Variants in PDXDC1 observed in about 807,000 individuals in gnomAD.
The protein encoded by PDXDC1 is pyridoxal-dependent decarboxylase domain-containing protein 1.
Under a neutral mutation model 100.1 loss-of-function variants are expected in PDXDC1, and 42 were observed. The observed-to-expected ratio is 0.42, with a 90% CI of 0.33 to 0.54. PDXDC1 has a LOEUF of 0.54. Ranked by LOEUF, PDXDC1 falls within the 20% of genes least tolerant of loss-of-function variation. The pLI is 0.10. For synonymous variants in PDXDC1, 260 were observed against 371.7 expected (o/e 0.70, Z 3.46); for missense variants, 636 against 979.2 (o/e 0.65, Z 4.68).
the PDXDC1 span, among the ~76,000 whole-genome samples, chr16:15,149,576 G>A: frequency 6.6e-6 from 1 of 152,166 alleles, no homozygotes. Context: ...AGGGGCCCCG[G>A]GGTCTGCGCC....
chr16:14,985,220 G>A (rs1206303542), intron 1 of PDXDC1, among the ~76,000 whole-genome samples: 3 of 151,944 alleles, frequency 2.0e-5, no homozygotes, highest in African/African-American at 7.3e-5. Context: ...CCAAATCTTA[G>A]GCTCTAAAGA....
chr16:15,098,774 A>G (rs542729945), intron 16 of PDXDC1, among the ~76,000 whole-genome samples: 6 of 152,006 alleles, frequency 3.9e-5, no homozygotes, highest in Non-Finnish European at 7.4e-5. Flanking sequence ...GCTACTTGGG[A>G]GGCTGAGGCA....
At chr16:15,052,424 T>G (rs1371427831) in intron 16 of PDXDC1, among the ~76,000 whole-genome samples, 1 of 152,206 alleles carries the variant, frequency 6.6e-6, no homozygotes, top group East Asian at 1.9e-4. Context: ...CACCTAGCTG[T>G]GACCTGGGGG....
chr16:15,098,363 G>A (rs1221066316), intron 16 of PDXDC1, among the ~76,000 whole-genome samples: 1 of 151,204 alleles, frequency 6.6e-6, no homozygotes, highest in Non-Finnish European at 1.5e-5. Context: ...ACCACACCTG[G>A]CTAATTTTTG....
intron 16 of PDXDC1, chr16:15,047,338 G>T: frequency 1.3e-6 from 1 of 772,892 alleles, no homozygotes; most frequent in South Asian, 1.5e-5. Context: ...AGGCAGACAC[G>T]GCAGTGGTGG....
chr16:15,038,614 A>G, downstream of PDXDC1: 1 of 1,609,058 alleles, frequency 6.2e-7, no homozygotes. Flanking sequence ...CCAGAAATCC[A>G]CATGTGGAAA....
chr16:15,146,232 A>T, the PDXDC1 span, among the ~76,000 whole-genome samples: 3 of 152,102 alleles, frequency 2.0e-5, no homozygotes, highest in Admixed American at 6.5e-5. Context: ...AGAAGAGCCA[A>T]CAGAAAGCCG....
Position 15,076,841 on chromosome 16 carries a change from T to C in PDXDC1, c.1399+46785T>C, listed in dbSNP as rs188058870. ...CCTAGGTCATGAAGGAATTTAAATA[T>C]AATAAACCAAGCCCCTTTTACTACA... On this transcript the variant is annotated intron_variant, in intron 16 of 16. Coordinates refer to the PDXDC1 transcript ENST00000535621. Among the ~76,000 whole-genome samples, 206 of 152,290 alleles carry C rather than the reference T, an allele frequency of 1.4e-3. 1 individual carries two copies. The highest frequency in any genetic ancestry group is 1.4e-3 in the Non-Finnish European group (94 of 68,014).
At chr16:15,001,143 TTGG>T (rs1204572637) in intron 3 of PDXDC1, among the ~76,000 whole-genome samples, 1 of 151,956 alleles carries the variant, frequency 6.6e-6, no homozygotes, top group Non-Finnish European at 1.5e-5. Flanking sequence ...TTGCTTGAGC[TTGG>T]TGGTTTGAGA....
chr16:15,034,033 C>T (rs2043235998), intron 19 of PDXDC1: 12 of 570,274 alleles, frequency 2.1e-5, no homozygotes, highest in South Asian at 8.9e-5. Context: ...GGTTTCTTTC[C>T]AGCCTGACTT....
chr16:15,077,259 A>G (rs958922955), intron 16 of PDXDC1, among the ~76,000 whole-genome samples: 4 of 152,026 alleles, frequency 2.6e-5, no homozygotes, highest in Non-Finnish European at 4.4e-5. Flanking sequence ...AATTACAGGC[A>G]TGAGCCACCG....
intron 8 of PDXDC1, among the ~76,000 whole-genome samples, chr16:15,010,853 G>A (rs2041202276): frequency 6.6e-6 from 1 of 152,260 alleles, no homozygotes; most frequent in Non-Finnish European, 1.5e-5. Context: ...GATCAAAAAA[G>A]ATGAAAAATT....
chr16:15,109,979 C>G (rs2151868528), intron 16 of PDXDC1, among the ~76,000 whole-genome samples: 1 of 145,454 alleles, frequency 6.9e-6, no homozygotes, highest in Non-Finnish European at 1.5e-5. Context: ...CATGGTGAAA[C>G]CCCATCTCTA....
intron 16 of PDXDC1, among the ~76,000 whole-genome samples, chr16:15,064,100 T>G (rs1038805392): frequency 8.5e-5 from 13 of 152,226 alleles, no homozygotes. Flanking sequence ...TCCTGCTTCC[T>G]TATACAAGTG....
chr16:15,022,301 C>T (rs925269068), intron 12 of PDXDC1, among the ~76,000 whole-genome samples: 40 of 152,286 alleles, frequency 2.6e-4, no homozygotes, highest in African/African-American at 8.4e-4. Flanking sequence ...TTGACTTATC[C>T]GTGGTCCTGC....
At chr16:15,126,351 ATTAAC>A (rs1394896044) in intron 16 of PDXDC1, among the ~76,000 whole-genome samples, 2 of 92,050 alleles carry the variant, frequency 2.2e-5, no homozygotes, top group African/African-American at 6.8e-5. Context: ...TTCCATTTTA[ATTAAC>A]TTAAATACGA....
intron 1 of PDXDC1, among the ~76,000 whole-genome samples, chr16:14,984,753 A>G (rs1968932502): frequency 6.6e-6 from 1 of 152,112 alleles, no homozygotes; most frequent in Non-Finnish European, 1.5e-5. Context: ...CTGCCTCCCA[A>G]AGTGCCAGAA....
In PDXDC1 at chr16:15,034,322, A is replaced by G. The variant is rs1312631307; in HGVS notation, c.1849A>G (p.Ile617Val). 1 of 1,613,312 alleles carries G rather than the reference A, an allele frequency of 6.2e-7. No homozygotes were observed. Among genetic ancestry groups the G allele is most frequent in the African/African-American group, 1.3e-5 (1 of 74,916 alleles). The part of the protein sequence containing the change: ...ENMTEVVRKG[I>V]QEAQVELQKA... Reference sequence around the variant, plus strand: ...CATGACAGAAGTGGTTCGGAAAGGCATTCAGGAAGCTCAAGTGGAGCTGCA... The same window carrying G: ...CATGACAGAAGTGGTTCGGAAAGGCGTTCAGGAAGCTCAAGTGGAGCTGCA... Residue 617 changes from isoleucine to valine, a missense_variant, in exon 20 of 23, where the codon ATT becomes GTT. By Grantham distance (29) the Ile-to-Val change is conservative (BLOSUM62 3). Transcript: ENST00000396410.
intron 17 of PDXDC1, 128 bp downstream of exon 17, chr16:15,032,034 A>C: frequency 1.2e-6 from 1 of 846,000 alleles, no homozygotes; most frequent in Non-Finnish European, 1.8e-6. Flanking sequence ...CGAAAATGCA[A>C]CTCGGTTTTC....
Sources: allele counts gnomAD v4.1 joint callset (sites outside exome capture counted in the v4.1 genomes callset), GRCh38; gene constraint gnomAD v4.1.1; transcripts MANE v1.5; gene names NCBI Gene and HGNC (gene_info 2026-07-23, HGNC 2026-07-21).